Variants in HDHD5 observed in about 807,000 individuals in gnomAD.
HDHD5 encodes the protein haloacid dehalogenase like hydrolase domain containing 5.
A neutral mutation model predicts 35.5 loss-of-function variants in HDHD5; 34 were observed. The observed-to-expected ratio is 0.96, with a 90% CI of 0.73 to 1.28. HDHD5 has a LOEUF of 1.28. HDHD5 is among the 50% of genes most tolerant of loss of function. The pLI is 0.00. For missense variants in HDHD5, 589 were observed against 560.2 expected, an observed-to-expected ratio of 1.05 and a Z score of -0.52; for synonymous variants, 248 against 240.6, an observed-to-expected ratio of 1.03 and a Z score of -0.29.
chr22:17,161,098 A>G (rs2061860473), upstream of HDHD5, among the ~76,000 whole-genome samples: 1 of 151,308 alleles, frequency 6.6e-6, no homozygotes, highest in African/African-American at 2.4e-5. Flanking sequence ...TACTAAAAAT[A>G]CAAAAATTAG....
chr22:17,141,316 T>A (rs2061599280), intron 5 of HDHD5, 83 bp from the exon 6 acceptor site: 1 of 1,493,336 alleles, frequency 6.7e-7, no homozygotes, highest in South Asian at 1.3e-5. Context: ...GGGCTACCCA[T>A]CCACAAGCCC....
At chr22:17,157,076 T>TCTCACACACACACACACACACACA (rs1555881505) in intron 1 of HDHD5, among the ~76,000 whole-genome samples, 1 of 56,112 alleles carries the variant, frequency 1.8e-5, no homozygotes. Context: ...AGACACCGTC[T>TCTCACACACACACACACACACACA]CACACACATA....
At chr22:17,156,677 G>A (rs189496904) in intron 1 of HDHD5, among the ~76,000 whole-genome samples, 170 of 151,884 alleles carry the variant, frequency 1.1e-3, no homozygotes, top group Non-Finnish European at 1.3e-3. Context: ...TCCGGAGGCT[G>A]AGGCAGGAGA....
chr22:17,148,458 T>C lies in HDHD5; in HGVS notation c.433A>G (p.Asn145Asp), dbSNP rs776189455. ...AGACCAAAAGGATACCCCTGGGCAT[T>C]TTCCATCACGGGCCCCTGTCCAGAC... ...LVSGQGPVME[N>D]AQGLGFRNVV... The change falls in exon 3 of 8, where the codon AAT becomes GAT. Residue 145 changes from asparagine to aspartate, a missense_variant. By Grantham distance (23) the Asn-to-Asp change is conservative. Transcript: ENST00000336737. The C allele has an allele frequency of 5.6e-6, 9 of 1,613,780 alleles. No individual in the cohort carries two copies. Among genetic ancestry groups the C allele is most frequent in the Non-Finnish European group, 5.9e-6 (7 of 1,179,836 alleles).
At chr22:17,162,787 C>G (rs750746360), upstream of HDHD5, among the ~76,000 whole-genome samples, 4 of 152,226 alleles carry the variant, frequency 2.6e-5, no homozygotes, top group African/African-American at 7.2e-5. Flanking sequence ...AGGGCACTCA[C>G]GTCTACCCTG....
At position 17,141,206 on chromosome 22, in the gene HDHD5, C is replaced by T. The variant is rs374469274; in HGVS notation, c.599G>A (p.Arg200His). Residue 200 changes from arginine to histidine, a missense_variant, in exon 6 of 8, where the codon CGC becomes CAC. Coordinates refer to ENST00000336737, the MANE Select transcript of HDHD5 (RefSeq NM_033070.3). ...EGVLLLGEPV[R>H]WETSLQLIMD... ...GATCAGCTGCAGGCTGGTCTCCCAG[C>T]GGACCGGCTCCCCTAGGAGGAGCAC... 6.9e-6 allele frequency: 11 copies of T among 1,596,408 alleles called. No individual in the cohort carries two copies. The highest frequency in any genetic ancestry group is 3.5e-5 in the Admixed American group (2 of 57,662).
intron 1 of HDHD5, among the ~76,000 whole-genome samples, chr22:17,151,814 A>G (rs926723982): frequency 6.6e-4 from 101 of 152,286 alleles, no homozygotes; most frequent in African/African-American, 2.3e-3. Context: ...TTTTTAGCTA[A>G]GGTGACAGAG....
At chr22:17,152,590 G>A (rs1261789963) in intron 1 of HDHD5, among the ~76,000 whole-genome samples, 1 of 152,154 alleles carries the variant, frequency 6.6e-6, no homozygotes, top group East Asian at 1.9e-4. Flanking sequence ...TTTGGACCTG[G>A]GAGACAGGCA....
At chr22:17,155,766 C>T (rs1021881373) in intron 1 of HDHD5, among the ~76,000 whole-genome samples, 2 of 152,134 alleles carry the variant, frequency 1.3e-5, no homozygotes. Flanking sequence ...GATGGTAATA[C>T]AGTCACGCAC....
intron 1 of HDHD5, 97 bp from the exon 2 acceptor site, chr22:17,149,842 T>C: frequency 9.8e-7 from 1 of 1,019,518 alleles, no homozygotes; most frequent in East Asian, 2.5e-5. Flanking sequence ...CTCATGTCCC[T>C]TGAAAACCTA....
intron 4 of HDHD5, chr22:17,143,626 T>C (rs2061624315): frequency 6.5e-6 from 1 of 154,556 alleles, no homozygotes; most frequent in Non-Finnish European, 1.4e-5. Context: ...GTCACTCCCC[T>C]GTGTGGGGCT....
chr22:17,138,015 C>CT lies in HDHD5; in HGVS notation c.*5dup. On this transcript the variant is annotated 3_prime_UTR_variant, in exon 8 of 8. Transcript: ENST00000336737. Reference sequence around the variant, plus strand: ...GGCTCACCCCCTCACCTCCACCGCACTGCCCTCACTCCAAAGCCCAGCCCT... The same window carrying CT: ...GGCTCACCCCCTCACCTCCACCGCACTTGCCCTCACTCCAAAGCCCAGCCCT... The CT allele has an allele frequency of 1.2e-6, 2 of 1,606,730 alleles. No homozygotes were observed. Among genetic ancestry groups the CT allele is most frequent in the Non-Finnish European group, 1.7e-6 (2 of 1,174,630 alleles).
At chr22:17,155,814 A>G (rs2061783350) in intron 1 of HDHD5, among the ~76,000 whole-genome samples, 1 of 152,188 alleles carries the variant, frequency 6.6e-6, no homozygotes. Flanking sequence ...CTGCATATAC[A>G]ATGGTCCCTT....
chr22:17,162,320 C>T (rs1401950856), upstream of HDHD5, among the ~76,000 whole-genome samples: 2 of 152,220 alleles, frequency 1.3e-5, no homozygotes, highest in African/African-American at 4.8e-5. Context: ...TGTTTTAAGT[C>T]ATTACACTTT....
At chr22:17,155,367 T>A (rs1182991389) in intron 1 of HDHD5, among the ~76,000 whole-genome samples, 1 of 151,774 alleles carries the variant, frequency 6.6e-6, no homozygotes, top group African/African-American at 2.4e-5. Flanking sequence ...TGCCTCAGCC[T>A]CCCAAGTAGC....
chr22:17,163,779 G>T (rs2061876656), upstream of HDHD5, among the ~76,000 whole-genome samples: 1 of 152,210 alleles, frequency 6.6e-6, no homozygotes, highest in Admixed American at 6.6e-5. Flanking sequence ...CAGAACAGAA[G>T]ATACACTGTG....
chr22:17,165,200 G>A (rs1568957929), intron 1 of HDHD5: 3 of 776,676 alleles, frequency 3.9e-6, no homozygotes, highest in Non-Finnish European at 4.8e-6. Context: ...AAGAGGAAAC[G>A]TGAGTTACCT....
intron 6 of HDHD5, among the ~76,000 whole-genome samples, chr22:17,139,139 C>T (rs1386573415): frequency 6.6e-6 from 1 of 152,214 alleles, no homozygotes; most frequent in Admixed American, 6.5e-5. Context: ...AAGACCTTCG[C>T]TTGCCTCCCT....
At chr22:17,161,490 C>T (rs1462568866), upstream of HDHD5, among the ~76,000 whole-genome samples, 4 of 151,318 alleles carry the variant, frequency 2.6e-5, no homozygotes, top group East Asian at 7.7e-4. Flanking sequence ...ACCTGGGAAG[C>T]AGAGGTTGCA....
Sources: gnomAD v4.1 joint callset for allele counts (sites outside exome capture counted in the v4.1 genomes callset) on GRCh38, gnomAD v4.1.1 for gene constraint, MANE v1.5 for transcripts, NCBI Gene and HGNC (gene_info 2026-07-23, HGNC 2026-07-21) for gene names.